Variants in ANO3 observed in about 807,000 individuals in gnomAD.
The protein encoded by ANO3 is anoctamin-3.
ANO3 carries 99 observed loss-of-function variants against 144.8 expected under a neutral mutation model. The ratio of observed to expected loss-of-function variants is 0.68; its 90% CI spans 0.58 to 0.81. The LOEUF is 0.81. Among genes scored for constraint, ANO3 ranks in the 30% least tolerant of loss-of-function variants. The pLI is 0.00. For synonymous variants in ANO3, 414 were observed against 392.6 expected, an observed-to-expected ratio of 1.05 and a Z score of -0.64; for missense variants, 905 against 1,202.2, an observed-to-expected ratio of 0.75 and a Z score of 3.66.
At chr11:26,387,711 T>G (rs549574636) in intron 1 of ANO3, among the ~76,000 whole-genome samples, 5 of 152,284 alleles carry the variant, frequency 3.3e-5, no homozygotes, top group African/African-American at 9.6e-5. Flanking sequence ...TTGGGTTATC[T>G]TTTTATGCAC....
intron 1 of ANO3, among the ~76,000 whole-genome samples, chr11:26,423,021 G>A (rs1857798803): frequency 6.6e-6 from 1 of 151,974 alleles, no homozygotes; most frequent in South Asian, 2.1e-4. Flanking sequence ...AGGGCAGTAG[G>A]AAGGCTGTTT....
At chr11:26,266,250 C>T (rs1236500667) in intron 1 of ANO3, among the ~76,000 whole-genome samples, 2 of 152,064 alleles carry the variant, frequency 1.3e-5, no homozygotes, top group Non-Finnish European at 2.9e-5. Context: ...CCACCTCTCT[C>T]ATTCATCACT....
chr11:26,552,595 T>G (rs544423247), intron 12 of ANO3, among the ~76,000 whole-genome samples: 1 of 152,234 alleles, frequency 6.6e-6, no homozygotes, highest in East Asian at 1.9e-4. Flanking sequence ...CAAAGTCATC[T>G]AAAATGTATG....
intron 1 of ANO3, among the ~76,000 whole-genome samples, chr11:26,194,446 G>GTA (rs1554920719): frequency 6.0e-5 from 7 of 116,730 alleles, no homozygotes; most frequent in African/African-American, 1.9e-4. Flanking sequence ...AGTGGTGTGT[G>GTA]TGTGTGTGTG....
At chr11:26,517,063 A>G (rs1235384559) in intron 6 of ANO3, 136 bp downstream of exon 6, 2 of 465,322 alleles carry the variant, frequency 4.3e-6, no homozygotes, top group Non-Finnish European at 3.7e-6. Flanking sequence ...TATTCTGGAC[A>G]GTTTTTTTTT....
Position 26,366,173 on chromosome 11 carries a change from T to G in ANO3, c.46+33852T>G, listed in dbSNP as rs576632368. Among the ~76,000 whole-genome samples, 3 of 151,840 alleles carry G rather than the reference T, an allele frequency of 2.0e-5. 1 individual carries two copies. Among genetic ancestry groups the G allele is most frequent in the East Asian group, 1.9e-4 (1 of 5,130 alleles). ...CCTCACCCCACAACAGGCTCCGGTG[T>G]GTGATGTTCCCCCTCCTATGTCCAA... On this transcript the variant is annotated intron_variant, in intron 1 of 26. Transcript: ENST00000256737.
At chr11:26,389,831 C>T (rs1435245693) in intron 1 of ANO3, among the ~76,000 whole-genome samples, 2 of 151,970 alleles carry the variant, frequency 1.3e-5, no homozygotes, top group Non-Finnish European at 2.9e-5. Context: ...TGCATACTCT[C>T]TAGAATTCTA....
intron 13 of ANO3, among the ~76,000 whole-genome samples, chr11:26,556,360 T>C (rs1377422934): frequency 6.8e-6 from 1 of 147,382 alleles, no homozygotes; most frequent in Non-Finnish European, 1.5e-5. Flanking sequence ...AAAAACTTGT[T>C]TAACAAACAT....
chr11:26,537,350 A>G (rs1849536470), intron 9 of ANO3, 56 bp from the exon 10 acceptor site: 2 of 1,364,426 alleles, frequency 1.5e-6, no homozygotes, highest in East Asian at 2.3e-5. Context: ...CTGTTGCTTC[A>G]GAGGAAATGT....
intron 4 of ANO3, among the ~76,000 whole-genome samples, chr11:26,475,302 T>C (rs1167507905): frequency 6.6e-6 from 1 of 152,030 alleles, no homozygotes; most frequent in African/African-American, 2.4e-5. Flanking sequence ...CTTTATCCGG[T>C]TAACTAAGGT....
intron 8 of ANO3, among the ~76,000 whole-genome samples, chr11:26,533,997 CAAATGGTT>C (rs1849439357): frequency 6.6e-6 from 1 of 152,142 alleles, no homozygotes; most frequent in African/African-American, 2.4e-5. Context: ...CATTGACTCT[CAAATGGTT>C]CTTCATTGCT....
chr11:26,260,182 G>A (rs1853154415), intron 1 of ANO3, among the ~76,000 whole-genome samples: 1 of 151,908 alleles, frequency 6.6e-6, no homozygotes, highest in Non-Finnish European at 1.5e-5. Context: ...CTCTTGATAA[G>A]GAAGTGTTCC....
chr11:26,377,083 T>G lies in ANO3; in HGVS notation c.46+44762T>G, dbSNP rs142578207. Reference sequence around the variant, plus strand: ...ATTTATAGTAGCCATTGGTTGGTACTGTCCCTGTGCACTTGAAAGAAAACA... The same window carrying G: ...ATTTATAGTAGCCATTGGTTGGTACGGTCCCTGTGCACTTGAAAGAAAACA... On this transcript the variant is annotated intron_variant, in intron 1 of 26. Transcript: ENST00000256737. Among the ~76,000 whole-genome samples the G allele has an allele frequency of 1.2e-3, 181 of 152,306 alleles. 1 individual carries two copies. The highest frequency in any genetic ancestry group is 4.0e-3 in the African/African-American group (165 of 41,590).
At chr11:26,297,054 T>C (rs1854107224) in intron 1 of ANO3, among the ~76,000 whole-genome samples, 1 of 152,178 alleles carries the variant, frequency 6.6e-6, no homozygotes. Flanking sequence ...AAAATTATAT[T>C]GATCAAAATA....
chr11:26,230,797 C>CAAAAAAAAAAAAA (rs1168180646), intron 1 of ANO3, among the ~76,000 whole-genome samples: 1 of 11,320 alleles, frequency 8.8e-5, no homozygotes, highest in Non-Finnish European at 2.5e-4. Flanking sequence ...ACTCCATCTC[C>CAAAAAAAAAAAAA]AAAAAAAAAA....
intron 4 of ANO3, among the ~76,000 whole-genome samples, chr11:26,463,777 G>A (rs958125624): frequency 6.6e-6 from 1 of 151,854 alleles, no homozygotes; most frequent in African/African-American, 2.4e-5. Flanking sequence ...AAGCATGGGA[G>A]TGTTCCCATC....
intron 17 of ANO3, among the ~76,000 whole-genome samples, chr11:26,609,271 G>T (rs1852023173): frequency 6.6e-6 from 1 of 152,158 alleles, no homozygotes; most frequent in African/African-American, 2.4e-5. Context: ...GCCTAGTCAA[G>T]TCTGATGAGA....
intron 1 of ANO3, among the ~76,000 whole-genome samples, chr11:26,248,608 A>G (rs1406979563): frequency 6.6e-6 from 1 of 152,224 alleles, no homozygotes; most frequent in African/African-American, 2.4e-5. Flanking sequence ...TTTAAAATCA[A>G]TTAGCAGAAA....
chr11:26,561,168 T>A (rs775618865), intron 14 of ANO3: 7 of 1,612,566 alleles, frequency 4.3e-6, no homozygotes, highest in Non-Finnish European at 5.9e-6. Flanking sequence ...TGGATTGTAG[T>A]AGCTAGAATT....
Sources: allele counts gnomAD v4.1 joint callset (sites outside exome capture counted in the v4.1 genomes callset), GRCh38; gene constraint gnomAD v4.1.1; transcripts MANE v1.5; gene names NCBI Gene and HGNC (gene_info 2026-07-23, HGNC 2026-07-21).